Variants in SYBU observed in about 807,000 individuals in gnomAD.
The protein encoded by SYBU is syntabulin.
Under a neutral mutation model 35.9 loss-of-function variants are expected in SYBU, and 21 were observed. The observed-to-expected ratio is 0.58, with a 90% CI of 0.41 to 0.84. SYBU has a LOEUF of 0.84. Ranked by LOEUF, SYBU falls within the 40% of genes least tolerant of loss-of-function variation. SYBU has a pLI of 0.00. For missense variants in SYBU, 768 were observed against 848.2 expected, an observed-to-expected ratio of 0.91 and a Z score of 1.17; for synonymous variants, 319 against 324.3, an observed-to-expected ratio of 0.98 and a Z score of 0.18.
chr8:109,657,840 G>A (rs540374778), intron 1 of SYBU, among the ~76,000 whole-genome samples: 1 of 152,044 alleles, frequency 6.6e-6, no homozygotes, highest in Non-Finnish European at 1.5e-5. Flanking sequence ...TTTTCTAAGG[G>A]TACTCATTTG....
chr8:109,656,928 A>G (rs973193361), intron 1 of SYBU, among the ~76,000 whole-genome samples: 5 of 152,272 alleles, frequency 3.3e-5, no homozygotes, highest in African/African-American at 1.2e-4. Context: ...GACTCATTTA[A>G]TATTAATATA....
At chr8:109,686,477 C>T (rs1194971359) in intron 1 of SYBU, among the ~76,000 whole-genome samples, 2 of 152,154 alleles carry the variant, frequency 1.3e-5, no homozygotes, top group African/African-American at 4.8e-5. Flanking sequence ...TTAATGGCTC[C>T]TACTCACTTA....
intron 1 of SYBU, among the ~76,000 whole-genome samples, chr8:109,678,847 T>C (rs1415535595): frequency 6.6e-6 from 1 of 152,184 alleles, no homozygotes; most frequent in Non-Finnish European, 1.5e-5. Context: ...TACTGATGCA[T>C]GGAGCCCACC....
intron 2 of SYBU, among the ~76,000 whole-genome samples, chr8:109,626,228 C>T (rs778386969): frequency 4.6e-5 from 7 of 152,192 alleles, no homozygotes; most frequent in Non-Finnish European, 7.3e-5. Flanking sequence ...TCAAACCTTG[C>T]TCTATTCTGT....
chr8:109,605,810 C>T (rs879599413), intron 3 of SYBU, among the ~76,000 whole-genome samples: 6 of 152,098 alleles, frequency 3.9e-5, no homozygotes, highest in African/African-American at 7.2e-5. Context: ...ATTCCCCAAA[C>T]TTTGAATCTA....
chr8:109,690,551 T>C (rs1238029915), intron 1 of SYBU, among the ~76,000 whole-genome samples: 1 of 152,216 alleles, frequency 6.6e-6, no homozygotes. Context: ...TGGAGTCTCC[T>C]GTTTTCCTTG....
intron 1 of SYBU, among the ~76,000 whole-genome samples, chr8:109,662,968 G>A (rs866332853): frequency 2.6e-5 from 4 of 152,022 alleles, no homozygotes; most frequent in Non-Finnish European, 5.9e-5. Flanking sequence ...GATGCACACC[G>A]TTGATCAATT....
chr8:109,639,879 C>T (rs150519566), intron 2 of SYBU, among the ~76,000 whole-genome samples: 107 of 152,220 alleles, frequency 7.0e-4, no homozygotes, highest in Non-Finnish European at 1.3e-3. Flanking sequence ...ACCAACCGGC[C>T]TCCTAAAGCA....
intron 1 of SYBU, among the ~76,000 whole-genome samples, chr8:109,689,486 C>T (rs1470627752): frequency 6.6e-6 from 1 of 152,046 alleles, no homozygotes; most frequent in African/African-American, 2.4e-5. Flanking sequence ...CCATGTCCAC[C>T]TATTTTTTTT....
intron 3 of SYBU, among the ~76,000 whole-genome samples, chr8:109,615,097 G>A (rs1811592612): frequency 6.6e-6 from 1 of 152,186 alleles, no homozygotes; most frequent in South Asian, 2.1e-4. Flanking sequence ...TCCTTCCTGA[G>A]GTGAACAGCA....
intron 1 of SYBU, among the ~76,000 whole-genome samples, chr8:109,676,359 A>G (rs1817190586): frequency 6.6e-6 from 1 of 152,184 alleles, no homozygotes; most frequent in African/African-American, 2.4e-5. Context: ...CTCTGTTTGC[A>G]GGTGACTTGA....
At chr8:109,619,248 C>T (rs1812168253) in intron 2 of SYBU, among the ~76,000 whole-genome samples, 2 of 149,034 alleles carry the variant, frequency 1.3e-5, no homozygotes, top group South Asian at 4.2e-4. Context: ...TTTTTTGAGA[C>T]AGTCTCACTG....
At chr8:109,662,738 T>C (rs1816609294) in intron 1 of SYBU, among the ~76,000 whole-genome samples, 1 of 152,222 alleles carries the variant, frequency 6.6e-6, no homozygotes, top group Non-Finnish European at 1.5e-5. Context: ...GGCTTTCTTT[T>C]ACAAACTTTC....
At chr8:109,678,725 T>C (rs896318549) in intron 1 of SYBU, among the ~76,000 whole-genome samples, 1 of 152,054 alleles carries the variant, frequency 6.6e-6, no homozygotes, top group African/African-American at 2.4e-5. Context: ...AGGAGTGAGC[T>C]AGCATGCCCA....
chr8:109,600,453 T>C lies in SYBU; in HGVS notation c.428-14291A>G, dbSNP rs1330520975. ...ACTGCAAAGACCTCTGTCTTGTTCATCACTGCATCCCCAGAGCCAAGAGCA... is the reference window on the plus strand; with the variant it reads ...ACTGCAAAGACCTCTGTCTTGTTCACCACTGCATCCCCAGAGCCAAGAGCA... On this transcript the variant is annotated intron_variant, in intron 3 of 6. Transcript: ENST00000276646. 2.6e-5 allele frequency among the ~76,000 whole-genome samples: 4 copies of C among 152,180 alleles called. No homozygotes were observed. The East Asian group carries it at 7.7e-4, about 29-fold the overall frequency.
intron 2 of SYBU, among the ~76,000 whole-genome samples, chr8:109,633,374 T>A (rs1813850151): frequency 6.6e-6 from 1 of 152,188 alleles, no homozygotes; most frequent in African/African-American, 2.4e-5. Flanking sequence ...AGGGAAAAGT[T>A]GAAGGATATG....
rs1283489186 is a variant in SYBU, at chr8:109,644,811, G to C, written c.-152C>G. 2 of 731,482 alleles carry C rather than the reference G, an allele frequency of 2.7e-6. No homozygotes were observed. Among genetic ancestry groups the C allele is most frequent in the East Asian group, 7.3e-5 (2 of 27,552 alleles). The allele number at this position is 731,482 out of a possible 1,614,324, so 45.3% of individuals were successfully genotyped here. A position where few individuals can be genotyped will look rare whatever the true frequency, so the allele number is the denominator to read the frequency against. On this transcript the variant is annotated 5_prime_UTR_variant, in exon 1 of 7. Coordinates refer to ENST00000276646, the MANE Select transcript of SYBU (RefSeq NM_001099754.2). ...CCAACGCGCCGCCGCCGCCACTGCC[G>C]CCGATTGCTCTGGGCTCCGAGGGCA...
intron 3 of SYBU, among the ~76,000 whole-genome samples, chr8:109,601,596 G>A (rs555457604): frequency 2.0e-5 from 3 of 152,112 alleles, no homozygotes; most frequent in Non-Finnish European, 4.4e-5. Context: ...CTTAGCTAGG[G>A]TGAAGGGATG....
At chr8:109,633,573 C>T (rs1043242699) in intron 2 of SYBU, among the ~76,000 whole-genome samples, 1 of 152,046 alleles carries the variant, frequency 6.6e-6, no homozygotes, top group African/African-American at 2.4e-5. Flanking sequence ...CAGCAGTGGC[C>T]GGGGCACCAG....
Sources: gnomAD v4.1 joint callset for allele counts (sites outside exome capture counted in the v4.1 genomes callset) on GRCh38, gnomAD v4.1.1 for gene constraint, MANE v1.5 for transcripts, NCBI Gene and HGNC (gene_info 2026-07-23, HGNC 2026-07-21) for gene names.